The following HCN1 variants were observed in gnomAD, a reference collection of about 807,000 sequenced individuals.
The protein encoded by HCN1 is potassium/sodium hyperpolarization-activated cyclic nucleotide-gated channel 1.
In HCN1, 13 loss-of-function variants were observed where a neutral mutation model predicts 78.9. The observed-to-expected ratio is 0.16, with a 90% confidence interval of 0.11 to 0.26. HCN1 has a LOEUF of 0.26. Among genes scored for constraint, HCN1 ranks in the 10% least tolerant of loss-of-function variants. The pLI, the probability that HCN1 is intolerant of heterozygous loss-of-function variation, is 1.00. For missense variants in HCN1, 810 were observed against 1,154.3 expected (o/e 0.70, Z 4.32); for synonymous variants, 552 against 455.5 (o/e 1.21, Z -2.70).
At chr5:45,309,782 G>T (rs1745814522) in intron 5 of HCN1, among the ~76,000 whole-genome samples, 1 of 152,060 alleles carries the variant, frequency 6.6e-6, no homozygotes, top group South Asian at 2.1e-4. Context: ...ATTTTGTTGA[G>T]GATATTTGCA....
intron 2 of HCN1, among the ~76,000 whole-genome samples, chr5:45,605,409 T>A (rs1301710976): frequency 6.6e-6 from 1 of 151,908 alleles, no homozygotes; most frequent in Non-Finnish European, 1.5e-5. Flanking sequence ...TTAGAGTCAA[T>A]CTAAATGCCA....
At chr5:45,452,722 G>A (rs1425656457) in intron 3 of HCN1, among the ~76,000 whole-genome samples, 1 of 151,808 alleles carries the variant, frequency 6.6e-6, no homozygotes, top group African/African-American at 2.4e-5. Context: ...TACAGTGGTT[G>A]ATACATTATA....
intron 2 of HCN1, among the ~76,000 whole-genome samples, chr5:45,628,881 A>G (rs1745220288): frequency 6.6e-6 from 1 of 151,972 alleles, no homozygotes; most frequent in African/African-American, 2.4e-5. Flanking sequence ...AGGCAGGGGA[A>G]TCACTTCAAC....
intron 1 of HCN1, among the ~76,000 whole-genome samples, chr5:45,692,940 A>G (rs989384170): frequency 3.3e-5 from 5 of 152,172 alleles, no homozygotes; most frequent in Non-Finnish European, 7.3e-5. Context: ...TTCATTTGTA[A>G]TAACTCCCCA....
intron 2 of HCN1, among the ~76,000 whole-genome samples, chr5:45,556,729 T>C (rs1437645366): frequency 6.6e-6 from 1 of 151,982 alleles, no homozygotes; most frequent in Non-Finnish European, 1.5e-5. Flanking sequence ...TCTAATGCAC[T>C]GTTCCCCCAA....
intron 2 of HCN1, among the ~76,000 whole-genome samples, chr5:45,621,603 G>A (rs1354649216): frequency 6.6e-6 from 1 of 152,112 alleles, no homozygotes; most frequent in Non-Finnish European, 1.5e-5. Flanking sequence ...TTCAGTTTAC[G>A]TTCAGAGGAC....
intron 2 of HCN1, among the ~76,000 whole-genome samples, chr5:45,527,932 G>T (rs1055112582): frequency 2.4e-4 from 35 of 145,794 alleles, no homozygotes; most frequent in African/African-American, 4.0e-4. Flanking sequence ...TAAATTTAGG[G>T]TTTTTTTTTT....
intron 1 of HCN1, among the ~76,000 whole-genome samples, chr5:45,665,936 T>C (rs1378473306): frequency 1.3e-5 from 2 of 152,080 alleles, no homozygotes; most frequent in Non-Finnish European, 2.9e-5. Context: ...GCTAGTCTAT[T>C]TACTCAGCTT....
chr5:45,666,554 C>T (rs568847013), intron 1 of HCN1, among the ~76,000 whole-genome samples: 1 of 152,044 alleles, frequency 6.6e-6, no homozygotes, highest in South Asian at 2.1e-4. Flanking sequence ...CCTAGTAATA[C>T]ATTCCCTGAA....
chr5:45,631,593 T>C (rs1745270865), intron 2 of HCN1, among the ~76,000 whole-genome samples: 1 of 152,064 alleles, frequency 6.6e-6, no homozygotes, highest in African/African-American at 2.4e-5. Flanking sequence ...CAGGAAACTA[T>C]TGACAACTCA....
At chr5:45,419,081 C>T (rs545414351) in intron 3 of HCN1, among the ~76,000 whole-genome samples, 9 of 152,240 alleles carry the variant, frequency 5.9e-5, no homozygotes, top group Admixed American at 5.2e-4. Flanking sequence ...CTTTCAGGAA[C>T]TTGGGATGAA....
chr5:45,340,078 C>G (rs985874207), intron 5 of HCN1, among the ~76,000 whole-genome samples: 16 of 152,022 alleles, frequency 1.1e-4, no homozygotes, highest in South Asian at 4.2e-4. Flanking sequence ...ACCACCACTC[C>G]CAGCTAATTT....
At chr5:45,580,390 G>A (rs144831292) in intron 2 of HCN1, among the ~76,000 whole-genome samples, 2 of 151,946 alleles carry the variant, frequency 1.3e-5, no homozygotes, top group East Asian at 3.9e-4. Context: ...GGAATGTGGT[G>A]GCCTCTAGTA....
chr5:45,571,399 A>G (rs1421467305), intron 2 of HCN1, among the ~76,000 whole-genome samples: 1 of 152,056 alleles, frequency 6.6e-6, no homozygotes, highest in Non-Finnish European at 1.5e-5. Context: ...TCTTTTGGAT[A>G]TTTTATTATC....
At chr5:45,359,453 T>C (rs1001604772) in intron 4 of HCN1, among the ~76,000 whole-genome samples, 3 of 150,994 alleles carry the variant, frequency 2.0e-5, no homozygotes, top group African/African-American at 4.9e-5. Context: ...TTATAATATC[T>C]CAAGATAATT....
chr5:45,673,518 T>A (rs1394841102), intron 1 of HCN1, among the ~76,000 whole-genome samples: 2 of 151,576 alleles, frequency 1.3e-5, no homozygotes, highest in Non-Finnish European at 3.0e-5. Context: ...ACTTTGGGTT[T>A]ATAACTCAAT....
At chr5:45,683,197 TA>T (rs1278759558) in intron 1 of HCN1, among the ~76,000 whole-genome samples, 2 of 152,110 alleles carry the variant, frequency 1.3e-5, no homozygotes, top group Admixed American at 6.5e-5. Flanking sequence ...TGAAAAATAA[TA>T]AAAATGGATT....
chr5:45,595,188 A>G (rs1744461476), intron 2 of HCN1, among the ~76,000 whole-genome samples: 1 of 152,230 alleles, frequency 6.6e-6, no homozygotes, highest in South Asian at 2.1e-4. Flanking sequence ...GCCCTCTAAC[A>G]TCTAAGCTGT....
intron 5 of HCN1, among the ~76,000 whole-genome samples, chr5:45,314,374 G>C (rs776671788): frequency 1.9e-4 from 29 of 152,000 alleles, no homozygotes; most frequent in Non-Finnish European, 3.4e-4. Flanking sequence ...ACTAAACATG[G>C]AAAGGAACGA....
Sources: allele counts gnomAD v4.1 joint callset (sites outside exome capture counted in the v4.1 genomes callset), GRCh38; gene constraint gnomAD v4.1.1; transcripts MANE v1.5; gene names NCBI Gene and HGNC (gene_info 2026-07-23, HGNC 2026-07-21).